The following CECR2 variants were observed in gnomAD, a reference collection of about 807,000 sequenced individuals.
CECR2 encodes chromatin remodeling regulator CECR2.
Under a neutral mutation model 154.5 loss-of-function variants are expected in CECR2, and 30 were observed. The observed-to-expected ratio is 0.19, with a 90% CI of 0.15 to 0.26. CECR2 has a LOEUF of 0.26. CECR2 is among the 10% of genes least tolerant of loss of function. The pLI, the probability that CECR2 is intolerant of heterozygous loss-of-function variation, is 1.00. For synonymous variants in CECR2, 725 were observed against 683.7 expected (o/e 1.06, Z -0.94); for missense variants, 1,743 against 1,829.3 (o/e 0.95, Z 0.86).
intron 1 of CECR2, among the ~76,000 whole-genome samples, chr22:17,462,998 G>GTGC (rs1325233994): frequency 6.6e-6 from 1 of 152,202 alleles, no homozygotes; most frequent in Admixed American, 6.5e-5. Flanking sequence ...TCCTCAAGGG[G>GTGC]TTTGCTTAAT....
At chr22:17,478,564 C>T (rs1361607748) in intron 2 of CECR2, among the ~76,000 whole-genome samples, 4 of 151,980 alleles carry the variant, frequency 2.6e-5, no homozygotes, top group Non-Finnish European at 4.4e-5. Context: ...ACCGTGTTAG[C>T]CAGGATGGTC....
At chr22:17,489,963 T>A (rs1479111601) in intron 2 of CECR2, among the ~76,000 whole-genome samples, 1 of 151,878 alleles carries the variant, frequency 6.6e-6, no homozygotes, top group Non-Finnish European at 1.5e-5. Context: ...AAATTTTCCC[T>A]AAAAAACTTG....
chr22:17,481,753 A>T (rs1297514027), intron 2 of CECR2, among the ~76,000 whole-genome samples: 1 of 152,228 alleles, frequency 6.6e-6, no homozygotes, highest in Non-Finnish European at 1.5e-5. Context: ...ATGCTTGCAC[A>T]TGCATTACTC....
chr22:17,533,946 T>A (rs946401089), intron 9 of CECR2, among the ~76,000 whole-genome samples: 2 of 151,908 alleles, frequency 1.3e-5, no homozygotes, highest in African/African-American at 4.8e-5. Flanking sequence ...ACTCCCGACC[T>A]CTGATGATCT....
intron 1 of CECR2, among the ~76,000 whole-genome samples, chr22:17,416,787 C>A (rs1345072385): frequency 6.6e-6 from 1 of 152,134 alleles, no homozygotes; most frequent in South Asian, 2.1e-4. Context: ...CAGGTGCGAC[C>A]CACCACGCCT....
At chr22:17,485,572 C>G (rs1031043146) in intron 2 of CECR2, among the ~76,000 whole-genome samples, 1 of 152,090 alleles carries the variant, frequency 6.6e-6, no homozygotes, top group Admixed American at 6.6e-5. Flanking sequence ...AGTTCGAGAC[C>G]AGCCTGGGCA....
At chr22:17,518,670 G>GTGGT (rs1435535056) in intron 8 of CECR2, 5 of 445,084 alleles carry the variant, frequency 1.1e-5, no homozygotes, top group African/African-American at 6.1e-5. Context: ...ACCATTCCAG[G>GTGGT]TCTTATTGAT....
chr22:17,400,219 T>C, intron 1 of CECR2, among the ~76,000 whole-genome samples: 1 of 152,252 alleles, frequency 6.6e-6, no homozygotes, highest in East Asian at 1.9e-4. Flanking sequence ...TTACATTATA[T>C]TTCCTGTAGT....
At chr22:17,536,696 G>A (rs554751162) in intron 9 of CECR2, among the ~76,000 whole-genome samples, 15 of 152,186 alleles carry the variant, frequency 9.9e-5, no homozygotes, top group African/African-American at 3.1e-4. Context: ...AAGGATTTGC[G>A]GATGTTGCTT....
In CECR2 at chr22:17,456,393, C is replaced by A. The variant is rs12166951; in HGVS notation, c.127-21195C>A. On this transcript the variant is annotated intron_variant, in intron 1 of 18. Transcript: ENST00000262608. ...TAAGAGGTGAAAAGGCAATATAGAA[C>A]ATTAAATTTGTTGGAATCAATTTTG... Among the ~76,000 whole-genome samples the A allele has an allele frequency of 2.3e-3, 353 of 152,224 alleles. 2 individuals carry two copies. The highest frequency in any genetic ancestry group is 8.2e-3 in the African/African-American group (342 of 41,544).
intron 9 of CECR2, among the ~76,000 whole-genome samples, chr22:17,534,199 GC>G (rs2056402386): frequency 6.6e-6 from 1 of 152,078 alleles, no homozygotes; most frequent in African/African-American, 2.4e-5. Flanking sequence ...GGTGGTGTGT[GC>G]CTGTAGTCCC....
chr22:17,521,853 T>A (rs796675410), intron 8 of CECR2, among the ~76,000 whole-genome samples: 1 of 152,216 alleles, frequency 6.6e-6, no homozygotes, highest in South Asian at 2.1e-4. Flanking sequence ...TGGTAATGCC[T>A]AGGTTTTCTT....
chr22:17,521,466 A>G (rs570693906), intron 8 of CECR2, among the ~76,000 whole-genome samples: 2 of 151,648 alleles, frequency 1.3e-5, no homozygotes, highest in Admixed American at 6.6e-5. Flanking sequence ...TGGAGCTTGC[A>G]GTGAGCCGAG....
At chr22:17,403,240 C>A (rs2053924290) in intron 1 of CECR2, among the ~76,000 whole-genome samples, 1 of 152,220 alleles carries the variant, frequency 6.6e-6, no homozygotes. Flanking sequence ...AGGTTGACTC[C>A]TTTCTCCTTT....
chr22:17,480,450 A>ACACACC (rs1333253511), intron 2 of CECR2, among the ~76,000 whole-genome samples: 1 of 149,052 alleles, frequency 6.7e-6, no homozygotes, highest in Non-Finnish European at 1.5e-5. Flanking sequence ...ACACACACAC[A>ACACACC]CACACACACA....
At chr22:17,362,876 T>C (rs1378285255) in intron 1 of CECR2, among the ~76,000 whole-genome samples, 1 of 127,774 alleles carries the variant, frequency 7.8e-6, no homozygotes, top group Non-Finnish European at 1.6e-5. Context: ...AACTCTAGCC[T>C]GGGCGACAGA....
upstream of CECR2, chr22:17,369,349 C>G (rs1437920695): frequency 1.3e-5 from 2 of 151,108 alleles, no homozygotes; most frequent in African/African-American, 4.8e-5. Context: ...GCTGTCCGGG[C>G]GGGGGTGGGG....
intron 9 of CECR2, among the ~76,000 whole-genome samples, chr22:17,527,525 G>C (rs1417089512): frequency 6.6e-6 from 1 of 152,122 alleles, no homozygotes; most frequent in African/African-American, 2.4e-5. Flanking sequence ...CCAGCACTTT[G>C]GGAGGCCGAG....
intron 2 of CECR2, among the ~76,000 whole-genome samples, chr22:17,494,255 A>G (rs112676923): frequency 1.7e-3 from 258 of 151,892 alleles, no homozygotes; most frequent in African/African-American, 5.9e-3. Flanking sequence ...TGCCACCACA[A>G]CCGGCTAATT....
Sources: gnomAD v4.1 joint callset for allele counts (sites outside exome capture counted in the v4.1 genomes callset) on GRCh38, gnomAD v4.1.1 for gene constraint, MANE v1.5 for transcripts, NCBI Gene and HGNC (gene_info 2026-07-23, HGNC 2026-07-21) for gene names.